The following FAT3 variants were observed in gnomAD, a reference collection of about 807,000 sequenced individuals.
FAT3 encodes protocadherin Fat 3.
Under a neutral mutation model 310.2 loss-of-function variants are expected in FAT3, and 95 were observed. The observed-to-expected ratio is 0.31, with a 90% CI of 0.26 to 0.36. The LOEUF (loss-of-function observed/expected upper bound fraction) is 0.36, where lower values mean the gene tolerates loss of function less well. Among genes scored for constraint, FAT3 ranks in the 10% least tolerant of loss-of-function variants. The pLI, the probability that FAT3 is intolerant of heterozygous loss-of-function variation, is 1.00. For synonymous variants in FAT3, 2,314 were observed against 2,192.9 expected (o/e 1.06, Z -1.54); for missense variants, 5,408 against 5,715.6 (o/e 0.95, Z 1.74).
intron 19 of FAT3, among the ~76,000 whole-genome samples, chr11:92,852,468 A>G (rs1259692064): frequency 6.6e-6 from 1 of 152,136 alleles, no homozygotes; most frequent in Non-Finnish European, 1.5e-5. Flanking sequence ...CCAGAGCCCA[A>G]ATGTTTATGG....
chr11:92,843,855 CTTCTATCTGCGGGTTTT>C, intron 18 of FAT3, 62 bp from the exon 19 acceptor site: 3 of 1,332,184 alleles, frequency 2.3e-6, no homozygotes, highest in Non-Finnish European at 3.1e-6. Flanking sequence ...GTACAGACGT[CTTCTATCTGCGGGTTTT>C]TAAAAACTTA....
chr11:92,800,423 T>C lies in FAT3; in HGVS notation c.7410T>C (p.Ser2470=), dbSNP rs1947305503. ...RMEPLYSLNV[S]VSDGLFTSTA... ...AGCCTCTGTACAGTCTCAATGTGTC[T>C]GTCTCTGATGGGTTGTTCACCAGCA... Residue 2470 remains serine (S), a synonymous_variant, in exon 10 of 28, where the codon TCT becomes TCC. Transcript: ENST00000525166. 1.2e-6 allele frequency: 2 copies of C among 1,613,908 alleles called. No individual in the cohort carries two copies. The highest frequency in any genetic ancestry group is 1.7e-5 in the Admixed American group (1 of 60,014).
In FAT3 at chr11:92,353,800, A is replaced by T. The variant is rs376278280; in HGVS notation, c.1688A>T (p.Asn563Ile). The T allele has an allele frequency of 6.2e-7, 1 of 1,613,482 alleles. No individual in the cohort carries two copies. The highest frequency in any genetic ancestry group is 1.1e-5 in the South Asian group (1 of 91,082). ...CCATACCGCCATGAAAGTGAGGTCAATGTGACTATTCGAATAGGAAATGTC... is the reference window on the plus strand; with the variant it reads ...CCATACCGCCATGAAAGTGAGGTCATTGTGACTATTCGAATAGGAAATGTC... Reference protein sequence around the residue: ...GSPYRHESEVNVTIRIGNVND... With the variant: ...GSPYRHESEVIVTIRIGNVND... The change falls in exon 2 of 28, where the codon AAT becomes ATT. Residue 563 changes from asparagine to isoleucine, a missense_variant. Asn to Ile is a moderately radical substitution (Grantham distance 149). Transcript: ENST00000525166.
At chr11:92,377,297 A>G (rs1949374181) in intron 2 of FAT3, among the ~76,000 whole-genome samples, 1 of 152,232 alleles carries the variant, frequency 6.6e-6, no homozygotes, top group South Asian at 2.1e-4. Flanking sequence ...TATCAGCCCT[A>G]TCATCATTTT....
intron 7 of FAT3, among the ~76,000 whole-genome samples, chr11:92,780,246 G>C (rs1487263466): frequency 6.7e-6 from 1 of 148,808 alleles, no homozygotes; most frequent in South Asian, 2.1e-4. Context: ...ACGGTAGCCT[G>C]GACTTCCTGG....
At chr11:92,509,685 A>G (rs1368476198) in intron 2 of FAT3, among the ~76,000 whole-genome samples, 3 of 152,208 alleles carry the variant, frequency 2.0e-5, no homozygotes, top group Non-Finnish European at 4.4e-5. Flanking sequence ...AAAGTTATTA[A>G]TGCGGAAAGA....
chr11:92,380,283 T>G (rs16917465), intron 2 of FAT3, among the ~76,000 whole-genome samples: 1,643 of 152,206 alleles, frequency 0.011, 33 homozygotes, highest in African/African-American at 0.038. Context: ...ATGCTTGGAG[T>G]GAACACTTTG....
chr11:92,372,149 C>A (rs963252828), intron 2 of FAT3, among the ~76,000 whole-genome samples: 1 of 152,122 alleles, frequency 6.6e-6, no homozygotes, highest in African/African-American at 2.4e-5. Flanking sequence ...TCAAATCTGC[C>A]ACATAGACCA....
chr11:92,342,237 G>A (rs892295123), intron 1 of FAT3, among the ~76,000 whole-genome samples: 1 of 152,046 alleles, frequency 6.6e-6, no homozygotes, highest in South Asian at 2.1e-4. Flanking sequence ...TTTGGAAAAT[G>A]GTCACGTGAT....
intron 3 of FAT3, among the ~76,000 whole-genome samples, chr11:92,576,995 C>CTATT (rs1938516819): frequency 6.7e-6 from 1 of 148,680 alleles, no homozygotes; most frequent in African/African-American, 2.5e-5. Context: ...GAATCATAGA[C>CTATT]TATTATACCA....
rs575964352 is a variant in FAT3 at position 92,676,202 on chromosome 11, C to G, written c.3608-21182C>G. Among the ~76,000 whole-genome samples, 4 of 152,192 alleles carry G rather than the reference C, an allele frequency of 2.6e-5. No individual in the cohort carries two copies. In the East Asian group the frequency reaches 7.7e-4, roughly 29 times the overall value. Reference sequence around the variant, plus strand: ...AAATGAAAACTATTCCAAATGGAAACTGGTTTAGTTTGGGCCCAGCAGAGG... The same window carrying G: ...AAATGAAAACTATTCCAAATGGAAAGTGGTTTAGTTTGGGCCCAGCAGAGG... On this transcript the variant is annotated intron_variant, in intron 3 of 27. Coordinates refer to ENST00000525166, the MANE Select transcript of FAT3 (RefSeq NM_001367949.2).
rs1009617870 is a variant in FAT3, at chr11:92,706,534, C to CA, written c.3669+9099dup. ...CAGCAGGAAGTCTTAATTTGTTTCCCAAAAAAAAAATCACATTTACATTCC... is the reference window on the plus strand; with the variant it reads ...CAGCAGGAAGTCTTAATTTGTTTCCCAAAAAAAAAAATCACATTTACATTCC... On this transcript the variant is annotated intron_variant, in intron 4 of 27. Coordinates refer to ENST00000525166, the MANE Select transcript of FAT3 (RefSeq NM_001367949.2). 3.2e-3 allele frequency among the ~76,000 whole-genome samples: 479 copies of CA among 147,828 alleles called. 2 individuals carry two copies. The highest frequency in any genetic ancestry group is 0.011 in the Middle Eastern group (3 of 284).
rs1315040976 is a variant in FAT3 at position 92,735,094 on chromosome 11, G to A, written c.3670-26762G>A. Reference sequence around the variant, plus strand: ...AGAACACCTCCCTGCAGGAACTCCCGGTAAAGTTTGAGCATGTCATGTCTG... The same window carrying A: ...AGAACACCTCCCTGCAGGAACTCCCAGTAAAGTTTGAGCATGTCATGTCTG... On this transcript the variant is annotated intron_variant, in intron 4 of 27. Transcript: ENST00000525166. Among the ~76,000 whole-genome samples, 49 of 152,214 alleles carry A rather than the reference G, an allele frequency of 3.2e-4. 1 individual carries two copies. The highest frequency in any genetic ancestry group is 1.3e-4 in the Non-Finnish European group (9 of 68,008).
intron 2 of FAT3, among the ~76,000 whole-genome samples, chr11:92,410,342 C>T (rs887641742): frequency 2.0e-5 from 3 of 151,264 alleles, no homozygotes; most frequent in African/African-American, 4.9e-5. Context: ...GTGAGAGAGA[C>T]GGAGAGAGAG....
At chr11:92,834,778 G>A in intron 14 of FAT3, 92 bp from the exon 15 acceptor site, 1 of 1,126,348 alleles carries the variant, frequency 8.9e-7, no homozygotes, top group Non-Finnish European at 1.2e-6. Flanking sequence ...ATTCTTGGCT[G>A]GAGAGGATGT....
At chr11:92,543,325 G>A (rs548358596) in intron 3 of FAT3, among the ~76,000 whole-genome samples, 3 of 152,056 alleles carry the variant, frequency 2.0e-5, no homozygotes, top group Non-Finnish European at 2.9e-5. Context: ...CTAGAAGACA[G>A]GATTTTGAGT....
intron 3 of FAT3, among the ~76,000 whole-genome samples, chr11:92,676,149 G>A (rs7945902): frequency 0.027 from 4,135 of 152,192 alleles, 202 homozygotes; most frequent in African/African-American, 0.094. Flanking sequence ...TTGTTGTTAC[G>A]TCTACTGTAA....
rs76077055 is a variant in FAT3, at chr11:92,511,026, C to T, written c.3293-13608C>T. Among the ~76,000 whole-genome samples, 617 of 152,338 alleles carry T rather than the reference C, an allele frequency of 4.1e-3. 4 individuals carry two copies. Among genetic ancestry groups the T allele is most frequent in the African/African-American group, 0.014 (593 of 41,586 alleles). ...TGGCGCTTTATCTGGGGCCTGAAGG[C>T]ACTGATTCTGGCAGCCTGCAGTGTG... On this transcript the variant is annotated intron_variant, in intron 2 of 27. Transcript: ENST00000525166.
intron 3 of FAT3, among the ~76,000 whole-genome samples, chr11:92,541,870 A>G (rs1954459532): frequency 2.0e-5 from 3 of 152,162 alleles, no homozygotes; most frequent in South Asian, 2.1e-4. Context: ...AGAAATCATA[A>G]TAGTAATTGC....
Sources: allele counts gnomAD v4.1 joint callset (sites outside exome capture counted in the v4.1 genomes callset), GRCh38; gene constraint gnomAD v4.1.1; transcripts MANE v1.5; gene names NCBI Gene and HGNC (gene_info 2026-07-23, HGNC 2026-07-21).